Variants in CACUL1 observed in about 807,000 individuals in gnomAD.
The protein encoded by CACUL1 is CDK2 associated cullin domain 1.
In CACUL1, 13 loss-of-function variants were observed where a neutral mutation model predicts 45.2. The ratio of observed to expected loss-of-function variants is 0.29; its 90% CI spans 0.19 to 0.46. CACUL1 has a LOEUF of 0.46. Ranked by LOEUF, CACUL1 falls within the 20% of genes least tolerant of loss-of-function variation. The probability of loss-of-function intolerance (pLI) is 1.00; values close to 1 mark genes in which losing one functional copy is unlikely to be tolerated. For synonymous variants in CACUL1, 197 were observed against 174.2 expected (o/e 1.13, Z -1.03); for missense variants, 421 against 471.4 (o/e 0.89, Z 0.99).
chr10:118,726,495 A>G lies in CACUL1; in HGVS notation c.597+2800T>C, dbSNP rs535370898. ...CAGACAGGGAAGCAGAAACAATAAC[A>G]CAATCACTGCCCTAATAGACTTCTT... On this transcript the variant is annotated intron_variant, in intron 3 of 8. Coordinates refer to ENST00000369151, the MANE Select transcript of CACUL1 (RefSeq NM_153810.5). 5.1e-5 allele frequency: 18 copies of G among 355,138 alleles called. No homozygotes were observed. The East Asian group carries it at 1.3e-3, about 25-fold the overall frequency. 22.0% of individuals were successfully genotyped at this position (355,138 alleles called of 1,614,324 possible).
intron 1 of CACUL1, 112 bp downstream of exon 1, chr10:118,754,284 G>C (rs1397209014): frequency 2.8e-6 from 4 of 1,406,934 alleles, no homozygotes; most frequent in Non-Finnish European, 2.8e-6. Flanking sequence ...GGGGAGAAGA[G>C]GAAAGACCGA....
chr10:118,711,827 A>G (rs1845488516), intron 3 of CACUL1, among the ~76,000 whole-genome samples: 1 of 152,214 alleles, frequency 6.6e-6, no homozygotes, highest in Non-Finnish European at 1.5e-5. Context: ...CTTATTCAAA[A>G]CCTTTTAAAT....
chr10:118,712,695 C>G (rs1845500861), intron 3 of CACUL1, among the ~76,000 whole-genome samples: 1 of 152,232 alleles, frequency 6.6e-6, no homozygotes. Context: ...CTCTCTGCAG[C>G]TGGTCGTCCC....
intron 1 of CACUL1, among the ~76,000 whole-genome samples, chr10:118,732,748 T>A (rs1300184928): frequency 6.6e-6 from 1 of 152,004 alleles, no homozygotes; most frequent in African/African-American, 2.4e-5. Flanking sequence ...ACTTCCCCAA[T>A]CCCCCTAGAG....
Position 118,685,944 on chromosome 10 carries a change from GTT to G in CACUL1, c.*182_*183del, listed in dbSNP as rs572173441. 3.3e-3 allele frequency: 1,060 copies of G among 323,386 alleles called. No individual in the cohort carries two copies. Among genetic ancestry groups the G allele is most frequent in the Middle Eastern group, 5.5e-3 (7 of 1,280 alleles). The allele number at this position is 323,386 out of a possible 1,614,324, so 20.0% of individuals were successfully genotyped here. ...AATCACCCCCAAGTCTAGCAGCAAC[GTT>G]TTTTTTTTTTTTAGTTTTTGTTTTA... On this transcript the variant is annotated 3_prime_UTR_variant, in exon 9 of 9. Transcript: ENST00000369151.
intron 3 of CACUL1, among the ~76,000 whole-genome samples, chr10:118,715,319 T>G (rs1250015225): frequency 6.6e-6 from 1 of 152,188 alleles, no homozygotes; most frequent in Non-Finnish European, 1.5e-5. Flanking sequence ...GAAAGAAAGC[T>G]TGTCATCTTT....
chr10:118,687,826 A>AT (rs534912245), intron 7 of CACUL1, among the ~76,000 whole-genome samples: 6,435 of 149,516 alleles, frequency 0.043, 223 homozygotes, highest in Admixed American at 0.12. Context: ...ACTCAATATT[A>AT]TTTTTTTTTT....
At chr10:118,693,755 T>C (rs1203837953) in intron 6 of CACUL1, 2 of 456,634 alleles carry the variant, frequency 4.4e-6, no homozygotes, top group African/African-American at 4.0e-5. Flanking sequence ...AGAAACTAAA[T>C]ACAGAAAAGT....
intron 7 of CACUL1, among the ~76,000 whole-genome samples, chr10:118,689,461 T>C (rs1034641664): frequency 1.3e-5 from 2 of 152,256 alleles, no homozygotes; most frequent in African/African-American, 4.8e-5. Flanking sequence ...TATCATCCCT[T>C]GGAATACTGC....
intron 1 of CACUL1, among the ~76,000 whole-genome samples, chr10:118,749,382 A>C (rs1037000458): frequency 2.6e-5 from 4 of 152,216 alleles, no homozygotes; most frequent in Non-Finnish European, 4.4e-5. Context: ...ATGGTGGCTA[A>C]CCATGATATC....
intron 3 of CACUL1, among the ~76,000 whole-genome samples, chr10:118,724,022 C>T (rs1230091509): frequency 6.6e-6 from 1 of 152,182 alleles, no homozygotes; most frequent in Non-Finnish European, 1.5e-5. Flanking sequence ...TCCTTGTCCT[C>T]CCAAAGTGCT....
At position 118,681,371 on chromosome 10, in the gene CACUL1, G is replaced by C. The variant is rs1845151378; in HGVS notation, c.*4757C>G. On this transcript the variant is annotated 3_prime_UTR_variant, in exon 9 of 9. Transcript: ENST00000369151. Reference sequence around the variant, plus strand: ...ACTTCACATTTGAGTAAGTTATCCTGAAGTGTGTGGCTGTAATATTGACAA... The same window carrying C: ...ACTTCACATTTGAGTAAGTTATCCTCAAGTGTGTGGCTGTAATATTGACAA... The C allele has an allele frequency of 1.3e-5, 2 of 152,198 alleles. No homozygotes were observed. Among genetic ancestry groups the C allele is most frequent in the Admixed American group, 6.5e-5 (1 of 15,272 alleles). 9.4% of individuals were successfully genotyped at this position (152,198 alleles called of 1,614,324 possible).
chr10:118,716,051 T>G (rs1421297423), intron 3 of CACUL1, among the ~76,000 whole-genome samples: 3 of 152,046 alleles, frequency 2.0e-5, no homozygotes, highest in Non-Finnish European at 2.9e-5. Flanking sequence ...CCTAACACGG[T>G]GAAACCCCGT....
At chr10:118,710,700 A>G (rs753437423) in intron 3 of CACUL1, among the ~76,000 whole-genome samples, 1 of 152,134 alleles carries the variant, frequency 6.6e-6, no homozygotes, top group African/African-American at 2.4e-5. Flanking sequence ...CTGGAGGGCA[A>G]TATTTGTGTC....
intron 1 of CACUL1, among the ~76,000 whole-genome samples, chr10:118,734,814 TTAAC>T (rs746979287): frequency 1.4e-4 from 21 of 152,310 alleles, no homozygotes; most frequent in South Asian, 6.2e-4. Context: ...AGAAAGTAGT[TTAAC>T]TGACCTTTAC....
At chr10:118,720,628 G>T (rs1456235954) in intron 3 of CACUL1, among the ~76,000 whole-genome samples, 3 of 152,088 alleles carry the variant, frequency 2.0e-5, no homozygotes, top group African/African-American at 7.2e-5. Context: ...GTTTTACCTG[G>T]AACAAACACA....
At chr10:118,721,367 T>C (rs1244851358) in intron 3 of CACUL1, among the ~76,000 whole-genome samples, 1 of 152,228 alleles carries the variant, frequency 6.6e-6, no homozygotes, top group African/African-American at 2.4e-5. Context: ...CTGATTATGG[T>C]TTAGTTTCTA....
chr10:118,748,684 A>G (rs1427550423), intron 1 of CACUL1, among the ~76,000 whole-genome samples: 1 of 152,208 alleles, frequency 6.6e-6, no homozygotes, highest in African/African-American at 2.4e-5. Context: ...ATCATTTGGT[A>G]TAACACAAAT....
At chr10:118,696,117 G>GT (rs1239741690) in intron 5 of CACUL1, among the ~76,000 whole-genome samples, 1 of 152,150 alleles carries the variant, frequency 6.6e-6, no homozygotes, top group African/African-American at 2.4e-5. Context: ...TACAATTTGA[G>GT]TTATGTTTGA....
Sources: gnomAD v4.1 joint callset for allele counts (sites outside exome capture counted in the v4.1 genomes callset) on GRCh38, gnomAD v4.1.1 for gene constraint, MANE v1.5 for transcripts, NCBI Gene and HGNC (gene_info 2026-07-23, HGNC 2026-07-21) for gene names.